Variants in TBC1D12 observed in about 807,000 individuals in gnomAD.
The protein encoded by TBC1D12 is TBC1 domain family, member 12.
A neutral mutation model predicts 86.7 loss-of-function variants in TBC1D12; 56 were observed. That is an observed-to-expected ratio of 0.65 (90% CI 0.52 to 0.81). The LOEUF (loss-of-function observed/expected upper bound fraction) is 0.81. Among genes scored for constraint, TBC1D12 ranks in the 30% least tolerant of loss-of-function variants. The pLI, the probability that TBC1D12 is intolerant of heterozygous loss-of-function variation, is 0.00. For missense variants in TBC1D12, 1,023 were observed against 1,038.8 expected (o/e 0.98, Z 0.21); for synonymous variants, 421 against 411.7 (o/e 1.02, Z -0.27).
intron 1 of TBC1D12, among the ~76,000 whole-genome samples, chr10:94,434,241 C>T (rs1234364819): frequency 6.6e-6 from 1 of 152,174 alleles, no homozygotes; most frequent in African/African-American, 2.4e-5. Flanking sequence ...TACAGTGGCT[C>T]ACGCCTGTAA....
intron 2 of TBC1D12, among the ~76,000 whole-genome samples, chr10:94,459,036 C>T (rs1172806176): frequency 1.3e-5 from 2 of 151,950 alleles, no homozygotes; most frequent in African/African-American, 4.8e-5. Flanking sequence ...CTTTATCTGG[C>T]CCCACCCGCA....
intron 2 of TBC1D12, among the ~76,000 whole-genome samples, chr10:94,461,537 G>A (rs1208779175): frequency 1.3e-5 from 2 of 152,198 alleles, no homozygotes; most frequent in Admixed American, 6.5e-5. Context: ...TGAGGACCTG[G>A]TAGAGTTCCT....
chr10:94,501,254 G>A (rs2056392615), intron 6 of TBC1D12, among the ~76,000 whole-genome samples: 1 of 151,960 alleles, frequency 6.6e-6, no homozygotes, highest in Non-Finnish European at 1.5e-5. Flanking sequence ...TTCGAGACCA[G>A]CCTGGGCAAC....
intron 3 of TBC1D12, among the ~76,000 whole-genome samples, chr10:94,476,327 CA>C: frequency 6.6e-6 from 1 of 152,292 alleles, no homozygotes; most frequent in East Asian, 1.9e-4. Flanking sequence ...TACATTCCCT[CA>C]TACTAAAGAA....
chr10:94,413,881 G>C (rs188695400), intron 1 of TBC1D12, among the ~76,000 whole-genome samples: 366 of 152,008 alleles, frequency 2.4e-3, no homozygotes, highest in African/African-American at 8.5e-3. Context: ...ATTATGTGCT[G>C]TTTTCTCATA....
rs982384957 is a variant in TBC1D12, at chr10:94,532,721, G to T, written c.2260-307G>T. Among the ~76,000 whole-genome samples the T allele has an allele frequency of 2.6e-5, 4 of 152,094 alleles. No homozygotes were observed. The South Asian group carries it at 8.3e-4, about 32-fold the overall frequency. The stretch of plus-strand genomic sequence containing the variant: ...GCAATCTAAGTTAAGTGACATAAAA[G>T]GATAGCAGTATCACTCAATCCATGA... On this transcript the variant is annotated intron_variant, in intron 12 of 12. Transcript: ENST00000225235.
chr10:94,416,935 A>G (rs2055006865), intron 1 of TBC1D12, among the ~76,000 whole-genome samples: 1 of 152,202 alleles, frequency 6.6e-6, no homozygotes, highest in African/African-American at 2.4e-5. Flanking sequence ...CATCTGGATG[A>G]TTGCCTCTAG....
intron 3 of TBC1D12, among the ~76,000 whole-genome samples, chr10:94,487,384 CTCT>C (rs1025219928): frequency 6.7e-6 from 1 of 150,330 alleles, no homozygotes; most frequent in African/African-American, 2.4e-5. Context: ...ATGTGGTCTT[CTCT>C]TCTTTCGTTC....
Position 94,522,006 on chromosome 10 carries a change from G to T in TBC1D12, c.1813G>T (p.Ala605Ser), listed in dbSNP as rs748367289. 14 of 1,612,486 alleles carry T rather than the reference G, an allele frequency of 8.7e-6. No individual in the cohort carries two copies. The highest frequency in any genetic ancestry group is 1.2e-5 in the Non-Finnish European group (14 of 1,178,946). Residue 605 changes from alanine (A) to serine (S), a missense_variant, in exon 10 of 13, where the codon GCA becomes TCA. Physicochemically the swap from Ala to Ser is moderately conservative, Grantham distance 99. Around this residue, in one of 2 missense-constraint regions of TBC1D12, gnomAD observed 395 missense variants for 507.7 expected, o/e 0.78. Transcript: ENST00000225235. ...AGTACTCATTCTCAATTTGGAAGAG[G>T]CAGATGCCTTTATCGCATTTGCCAA... ...AAVLILNLEE[A>S]DAFIAFANLL...
At chr10:94,425,441 G>A (rs1167675447) in intron 1 of TBC1D12, among the ~76,000 whole-genome samples, 2 of 152,124 alleles carry the variant, frequency 1.3e-5, no homozygotes, top group African/African-American at 4.8e-5. Context: ...GTGAGTGCAG[G>A]GCATTGTGAA....
chr10:94,487,786 T>C (rs1461246964), intron 3 of TBC1D12, among the ~76,000 whole-genome samples: 1 of 149,102 alleles, frequency 6.7e-6, no homozygotes, highest in Non-Finnish European at 1.5e-5. Context: ...GGCCTCTATC[T>C]CCTGCGATCA....
chr10:94,418,999 C>T (rs1474482470), intron 1 of TBC1D12, among the ~76,000 whole-genome samples: 3 of 152,144 alleles, frequency 2.0e-5, no homozygotes, highest in African/African-American at 4.8e-5. Flanking sequence ...CTCAGCCTCC[C>T]GAGTAGCTGG....
In TBC1D12 at chr10:94,433,303, G is replaced by C. The variant is rs1365628034; in HGVS notation, c.972-8593G>C. Among the ~76,000 whole-genome samples the C allele has an allele frequency of 3.3e-5, 5 of 152,200 alleles. No individual in the cohort carries two copies. In the East Asian group the frequency reaches 9.8e-4, roughly 30 times the overall value. The stretch of plus-strand genomic sequence containing the variant: ...CAGGCTAATTTTTGTATTTTTAGTA[G>C]AGACAGGATTTCGCCATGTTGGCCA... On this transcript the variant is annotated intron_variant, in intron 1 of 12. Coordinates refer to ENST00000225235, the MANE Select transcript of TBC1D12 (RefSeq NM_015188.2).
At chr10:94,482,610 C>G (rs1023374065) in intron 3 of TBC1D12, among the ~76,000 whole-genome samples, 1 of 152,024 alleles carries the variant, frequency 6.6e-6, no homozygotes, top group African/African-American at 2.4e-5. Flanking sequence ...ACCACCATGT[C>G]TGGCTGATTT....
intron 6 of TBC1D12, 126 bp downstream of exon 6, chr10:94,500,453 T>G: frequency 1.7e-6 from 1 of 601,582 alleles, no homozygotes; most frequent in Non-Finnish European, 2.7e-6. Context: ...TTTAAAAGCA[T>G]GCTTCATCCC....
At chr10:94,411,603 G>A (rs2054928472) in intron 1 of TBC1D12, among the ~76,000 whole-genome samples, 1 of 152,114 alleles carries the variant, frequency 6.6e-6, no homozygotes, top group Non-Finnish European at 1.5e-5. Context: ...TAAAAAATTA[G>A]ATTCTCTAAT....
intron 3 of TBC1D12, among the ~76,000 whole-genome samples, chr10:94,481,411 T>C (rs1433447657): frequency 6.6e-6 from 1 of 152,224 alleles, no homozygotes; most frequent in Non-Finnish European, 1.5e-5. Flanking sequence ...ATCTTCTGGA[T>C]AACTTGCTGC....
At chr10:94,428,047 A>G (rs1050661345) in intron 1 of TBC1D12, among the ~76,000 whole-genome samples, 4 of 151,986 alleles carry the variant, frequency 2.6e-5, no homozygotes, top group African/African-American at 9.7e-5. Context: ...GATGGAAAAG[A>G]TTAGGGATTA....
intron 2 of TBC1D12, among the ~76,000 whole-genome samples, chr10:94,468,440 C>T (rs982590673): frequency 6.6e-6 from 1 of 152,040 alleles, no homozygotes; most frequent in Non-Finnish European, 1.5e-5. Flanking sequence ...AAGATATTTC[C>T]TCTGGTATAG....
Sources: allele counts gnomAD v4.1 joint callset (sites outside exome capture counted in the v4.1 genomes callset), GRCh38; gene constraint gnomAD v4.1.1; regional missense constraint gnomAD v4.1.1; transcripts MANE v1.5; gene names NCBI Gene and HGNC (gene_info 2026-07-23, HGNC 2026-07-21).